The following MRNIP variants were observed in gnomAD, a reference collection of about 807,000 sequenced individuals.
The protein encoded by MRNIP is MRN complex interacting protein.
In MRNIP, 30 loss-of-function variants were observed where a neutral mutation model predicts 29.8. The observed-to-expected ratio is 1.01, with a 90% CI of 0.75 to 1.36. The LOEUF (loss-of-function observed/expected upper bound fraction) is 1.36. Ranked by LOEUF, MRNIP falls within the 40% of genes most tolerant of loss-of-function variation. MRNIP has a pLI of 0.00. For synonymous variants in MRNIP, 201 were observed against 164.1 expected (o/e 1.23, Z -1.72); for missense variants, 459 against 423.5 (o/e 1.08, Z -0.74).
Position 179,837,504 on chromosome 5 carries a change from C to A in MRNIP, c.919G>T (p.Ala307Ser), listed in dbSNP as rs531042257. The A allele has an allele frequency of 6.2e-7, 1 of 1,614,174 alleles. No homozygotes were observed. Among genetic ancestry groups the A allele is most frequent in the South Asian group, 1.1e-5 (1 of 91,084 alleles). Residue 307 changes from alanine to serine, a missense_variant, in exon 7 of 7, where the codon GCA becomes TCA. Transcript: ENST00000292586. ...ERPCGKTSWD[A>S]RTPWAEGGPL... The stretch of plus-strand genomic sequence containing the variant: ...CCACCCTCTGCCCAGGGAGTCCTTG[C>A]GTCCCATGAGGTCTTCCCGCAAGGC...
At chr5:179,842,445 C>T (rs1758919041) in intron 4 of MRNIP, among the ~76,000 whole-genome samples, 1 of 151,100 alleles carries the variant, frequency 6.6e-6, no homozygotes, top group Admixed American at 6.6e-5. Context: ...CCTTGGGAGG[C>T]CGAGGCTGGC....
At chr5:179,847,756 G>A (rs1200443089) in intron 3 of MRNIP, 10 of 486,886 alleles carry the variant, frequency 2.1e-5, no homozygotes, top group African/African-American at 8.0e-5. Flanking sequence ...CAGGTAATCA[G>A]GTGAGAATCT....
intron 3 of MRNIP, chr5:179,847,459 C>A (rs986577728): frequency 4.5e-5 from 7 of 154,162 alleles, no homozygotes; most frequent in Middle Eastern, 3.2e-3. Flanking sequence ...TGAGCCACTG[C>A]GCCTGGCCGA....
intron 3 of MRNIP, chr5:179,846,933 GC>G (rs929442889): frequency 1.3e-5 from 2 of 152,072 alleles, no homozygotes; most frequent in African/African-American, 4.8e-5. Context: ...AGGGCCTCCT[GC>G]CCCTCTCCCA....
At chr5:179,841,704 C>A in intron 5 of MRNIP, 1 of 615,426 alleles carries the variant, frequency 1.6e-6, no homozygotes. Context: ...TCCTGCCCAG[C>A]CTTCGCCTCT....
chr5:179,857,021 G>A (rs1582060991), intron 1 of MRNIP, among the ~76,000 whole-genome samples: 2 of 152,198 alleles, frequency 1.3e-5, no homozygotes, highest in African/African-American at 4.8e-5. Context: ...GGGAGATGCA[G>A]GTTGCAGCGA....
rs1305682444 is a variant in MRNIP at position 179,837,399 on chromosome 5, C to T, written c.1024G>A (p.Asp342Asn). ...LFITGEDFDD[D>N]V ...AACCTGCCAGTCCCAGATCACACAT[C>T]ATCATCGAAGTCTTCCCCAGTTATA... The change falls in exon 7 of 7, where the codon GAT (aspartate) becomes AAT (asparagine). Residue 342 changes from aspartate to asparagine, a missense_variant. By Grantham distance (23) the Asp-to-Asn change is conservative. Coordinates refer to ENST00000292586, the MANE Select transcript of MRNIP (RefSeq NM_016175.4). 6.3e-7 allele frequency: 1 copy of T among 1,590,406 alleles called. No individual in the cohort carries two copies. Among genetic ancestry groups the T allele is most frequent in the African/African-American group, 1.3e-5 (1 of 74,248 alleles).
intron 1 of MRNIP, among the ~76,000 whole-genome samples, chr5:179,857,425 C>T (rs1015503117): frequency 6.6e-6 from 1 of 151,946 alleles, no homozygotes; most frequent in Non-Finnish European, 1.5e-5. Context: ...CACGCTACTG[C>T]ACTCCAGCCT....
At chr5:179,844,773 T>C (rs1759061942) in intron 3 of MRNIP, among the ~76,000 whole-genome samples, 1 of 152,210 alleles carries the variant, frequency 6.6e-6, no homozygotes, top group South Asian at 2.1e-4. Context: ...TGCATATATA[T>C]AGAAATACAA....
At chr5:179,843,003 G>T (rs575673004) in intron 4 of MRNIP, among the ~76,000 whole-genome samples, 3 of 146,562 alleles carry the variant, frequency 2.0e-5, no homozygotes, top group Non-Finnish European at 4.5e-5. Flanking sequence ...ACTGCACTCC[G>T]GCTGGGGGAC....
intron 1 of MRNIP, among the ~76,000 whole-genome samples, chr5:179,854,234 A>T (rs1582057590): frequency 1.3e-5 from 2 of 148,670 alleles, no homozygotes; most frequent in East Asian, 4.1e-4. Flanking sequence ...GTTGGCCAGG[A>T]TGGTCTCGAT....
At chr5:179,857,924 T>G (rs756881049) in intron 1 of MRNIP, among the ~76,000 whole-genome samples, 2 of 151,376 alleles carry the variant, frequency 1.3e-5, no homozygotes, top group African/African-American at 4.9e-5. Flanking sequence ...GGCAGGAGAA[T>G]TGCTTGAACC....
chr5:179,858,706 A>T, intron 1 of MRNIP, 25 bp downstream of exon 1: 1 of 1,417,902 alleles, frequency 7.1e-7, no homozygotes, highest in Non-Finnish European at 9.5e-7. Context: ...CCGGAGGAGG[A>T]GGAGGGGGCT....
chr5:179,853,238 C>G (rs1181281578), intron 2 of MRNIP, 140 bp downstream of exon 2: 1 of 1,557,858 alleles, frequency 6.4e-7, no homozygotes, highest in South Asian at 1.1e-5. Context: ...CCTGAAGGAA[C>G]AGGAAGCTCG....
chr5:179,842,965 A>G (rs1176645930), intron 4 of MRNIP, among the ~76,000 whole-genome samples: 1 of 149,104 alleles, frequency 6.7e-6, no homozygotes, highest in Non-Finnish European at 1.5e-5. Context: ...CTCAGGAGGC[A>G]GAAGTTGCAG....
At chr5:179,844,285 G>A in intron 3 of MRNIP, 58 bp from the exon 4 acceptor site, 9 of 1,398,572 alleles carry the variant, frequency 6.4e-6, no homozygotes, top group Non-Finnish European at 9.1e-6. Context: ...GGGCACAGTG[G>A]CTCACTCCTG....
chr5:179,850,315 G>A (rs994553773), intron 2 of MRNIP, among the ~76,000 whole-genome samples: 7 of 152,216 alleles, frequency 4.6e-5, no homozygotes, highest in South Asian at 2.1e-4. Context: ...TGTGACAGCC[G>A]CTCTGCTGTC....
Position 179,837,443 on chromosome 5 carries a change from G to A in MRNIP, c.980C>T (p.Thr327Ile), listed in dbSNP as rs1192999580. ...LVLEAQNPRP[T>I]RLCDLFITGE... ...AGTTATAAAGAGGTCACATAGTCGT[G>A]TGGGTCGAGGATTCTGTGCCTCCAG... Residue 327 changes from threonine (T) to isoleucine (I), a missense_variant, in exon 7 of 7, where the codon ACA becomes ATA. Thr to Ile is a moderately conservative substitution (Grantham distance 89). Coordinates refer to ENST00000292586, the MANE Select transcript of MRNIP (RefSeq NM_016175.4). 1.4e-5 allele frequency: 22 copies of A among 1,610,830 alleles called. No individual in the cohort carries two copies. Among genetic ancestry groups the A allele is most frequent in the Non-Finnish European group, 1.9e-5 (22 of 1,178,048 alleles).
intron 4 of MRNIP, among the ~76,000 whole-genome samples, chr5:179,843,562 G>A (rs1561617219): frequency 6.6e-6 from 1 of 151,946 alleles, no homozygotes; most frequent in Non-Finnish European, 1.5e-5. Flanking sequence ...AACACAGGGA[G>A]ACCCTGCCTC....
Sources: gnomAD v4.1 joint callset for allele counts (sites outside exome capture counted in the v4.1 genomes callset) on GRCh38, gnomAD v4.1.1 for gene constraint, MANE v1.5 for transcripts, NCBI Gene and HGNC (gene_info 2026-07-23, HGNC 2026-07-21) for gene names.